PPP2R3B: variants seen among roughly 807,000 people sequenced by gnomAD.
PPP2R3B encodes serine/threonine-protein phosphatase 2A regulatory subunit B'' subunit beta.
PPP2R3B carries 68 observed loss-of-function variants against 72.9 expected under a neutral mutation model. The ratio of observed to expected loss-of-function variants is 0.93; its 90% confidence interval spans 0.77 to 1.14. PPP2R3B has a LOEUF of 1.14. Among genes scored for constraint, PPP2R3B ranks in the 50% most tolerant of loss-of-function variants. The pLI, the probability that PPP2R3B is intolerant of heterozygous loss-of-function variation, is 0.00. For missense variants in PPP2R3B, 1,018 were observed against 842.0 expected (o/e 1.21, Z -2.59); for synonymous variants, 466 against 375.8 (o/e 1.24, Z -2.78).
At position 366,904 on chromosome X, in the gene PPP2R3B, T is replaced by C. The variant is rs1468347314; in HGVS notation, c.325-5314A>G. On this transcript the variant is annotated intron_variant, in intron 1 of 12. Transcript: ENST00000390665. ...TTAACCAGGTGTGGTGGCGCATGCC[T>C]GTAATCCCAGCTACTTGAGAGGCTG... Among the ~76,000 whole-genome samples the C allele has an allele frequency of 2.0e-5, 3 of 151,086 alleles. No homozygotes were observed. In the East Asian group the frequency reaches 5.8e-4, roughly 29 times the overall value.
At chrX:365,446 G>A (rs2071688218) in intron 1 of PPP2R3B, among the ~76,000 whole-genome samples, 1 of 34,710 alleles carries the variant, frequency 2.9e-5, no homozygotes, top group Non-Finnish European at 4.6e-5. Context: ...GAGAGGCTGA[G>A]GCAGGAGAAT....
intron 1 of PPP2R3B, among the ~76,000 whole-genome samples, chrX:370,385 C>A (rs1438439551): frequency 6.6e-6 from 1 of 152,176 alleles, no homozygotes; most frequent in Non-Finnish European, 1.5e-5. Context: ...ACACCTGCAG[C>A]CCAGGCACTG....
chrX:353,374 C>CA (rs928612832), intron 2 of PPP2R3B, among the ~76,000 whole-genome samples: 41 of 137,484 alleles, frequency 3.0e-4, no homozygotes, highest in Non-Finnish European at 4.7e-4. Flanking sequence ...ACTCTGTCTC[C>CA]AAAAAAAAAA....
chrX:385,519 T>C (rs2072227879), intron 1 of PPP2R3B, among the ~76,000 whole-genome samples: 1 of 151,932 alleles, frequency 6.6e-6, no homozygotes, highest in African/African-American at 2.4e-5. Context: ...TGGCGTTTCT[T>C]CTAAGAAATA....
chrX:338,254 G>A (rs1795101131), intron 12 of PPP2R3B: 1 of 456,102 alleles, frequency 2.2e-6, no homozygotes. Context: ...CACGGGCCCT[G>A]CAGCCTGCCC....
At chrX:345,089 G>C in intron 7 of PPP2R3B, 2 of 455,252 alleles carry the variant, frequency 4.4e-6, no homozygotes, top group Admixed American at 2.5e-5. Flanking sequence ...GTATATGAAC[G>C]ACCGCTAAGC....
intron 1 of PPP2R3B, among the ~76,000 whole-genome samples, chrX:372,084 C>T (rs1213988031): frequency 5.9e-5 from 9 of 152,166 alleles, no homozygotes; most frequent in African/African-American, 1.2e-4. Context: ...CAGCCACGTG[C>T]GAGCTAATCA....
At chrX:368,511 T>C (rs1178542287) in intron 1 of PPP2R3B, among the ~76,000 whole-genome samples, 35 of 76,392 alleles carry the variant, frequency 4.6e-4, no homozygotes, top group South Asian at 1.1e-3. Context: ...ACCACCCACC[T>C]TGGGCACCGA....
intron 1 of PPP2R3B, among the ~76,000 whole-genome samples, chrX:374,223 G>GT (rs1289750671): frequency 2.0e-5 from 3 of 152,106 alleles, no homozygotes; most frequent in Non-Finnish European, 2.9e-5. Flanking sequence ...GAGAAGTGAG[G>GT]TCCCCCCCCT....
intron 1 of PPP2R3B, among the ~76,000 whole-genome samples, chrX:379,198 CGTGTGTATGCACCT>C (rs2072067413): frequency 7.5e-6 from 1 of 133,128 alleles, no homozygotes; most frequent in South Asian, 2.5e-4. Flanking sequence ...TGTGTGTATG[CGTGTGTATGCACCT>C]GTGTATGCAC....
At chrX:380,544 G>A (rs1337827932) in intron 1 of PPP2R3B, among the ~76,000 whole-genome samples, 2 of 152,150 alleles carry the variant, frequency 1.3e-5, no homozygotes, top group African/African-American at 4.8e-5. Flanking sequence ...CCAGCACTCT[G>A]GGAGGCTGGG....
chrX:376,288 C>G (rs183907748), intron 1 of PPP2R3B, among the ~76,000 whole-genome samples: 1 of 92,944 alleles, frequency 1.1e-5, no homozygotes, highest in South Asian at 3.7e-4. Context: ...CTGGAGCCCT[C>G]GAACCACCTC....
intron 1 of PPP2R3B, among the ~76,000 whole-genome samples, chrX:363,782 G>C (rs1358187854): frequency 5.3e-5 from 8 of 151,692 alleles, no homozygotes; most frequent in Non-Finnish European, 1.0e-4. Context: ...TGGAGCCTGC[G>C]GCTCTTCCTC....
chrX:361,491 C>T lies in PPP2R3B; in HGVS notation c.424G>A (p.Asp142Asn), dbSNP rs779467539. 4 of 1,614,006 alleles carry T rather than the reference C, an allele frequency of 2.5e-6. No individual in the cohort carries two copies. The South Asian group carries it at 4.4e-5, about 18-fold the overall frequency. ...RGRPQDSVNV[D>N]AVISKIESTF... ...CTCTCGATCTTGCTGATGACGGCAT[C>T]CACGTTGACGGAGTCCTGCGGGCGT... Residue 142 changes from aspartate (D) to asparagine (N), a missense_variant, in exon 2 of 13, where the codon GAT becomes AAT. Coordinates refer to ENST00000390665, the MANE Select transcript of PPP2R3B (RefSeq NM_013239.5).
rs189689529 is a variant in PPP2R3B at position 374,926 on chromosome X, G to A, written c.324+11442C>T. 7.1e-3 allele frequency among the ~76,000 whole-genome samples: 1,075 copies of A among 152,174 alleles called. 7 individuals are homozygous for A. Among genetic ancestry groups the A allele is most frequent in the Non-Finnish European group, 9.1e-3 (616 of 67,982 alleles). On this transcript the variant is annotated intron_variant, in intron 1 of 12. Coordinates refer to ENST00000390665, the MANE Select transcript of PPP2R3B (RefSeq NM_013239.5). ...GACGCACCCAACCCCCGCAAGCCCC[G>A]ATCTGTTTCCTGTCTCCATCGTTTT...
intron 1 of PPP2R3B, among the ~76,000 whole-genome samples, chrX:368,753 G>A (rs2071787447): frequency 8.9e-6 from 1 of 112,654 alleles, no homozygotes; most frequent in Non-Finnish European, 1.9e-5. Context: ...ACGGGGGGAA[G>A]GCCGGGACCA....
chrX:364,351 C>G (rs1344784376), intron 1 of PPP2R3B, among the ~76,000 whole-genome samples: 3 of 151,812 alleles, frequency 2.0e-5, no homozygotes, highest in Non-Finnish European at 4.4e-5. Context: ...GTTTGCAAAC[C>G]AAACTCACGG....
chrX:384,276 C>A (rs1260347031), intron 1 of PPP2R3B, among the ~76,000 whole-genome samples: 13 of 148,620 alleles, frequency 8.7e-5, no homozygotes, highest in African/African-American at 2.8e-4. Context: ...CTCTCTCTCT[C>A]TCTCTCTATA....
At chrX:346,066 A>AG (rs2071201033) in intron 6 of PPP2R3B, 108 bp downstream of exon 6, 56 of 452,088 alleles carry the variant, frequency 1.2e-4, no homozygotes, top group Non-Finnish European at 1.7e-4. Flanking sequence ...TGGGGGTGGG[A>AG]GAGGGGGTGG....
Sources: gnomAD v4.1 joint callset for allele counts (sites outside exome capture counted in the v4.1 genomes callset) on GRCh38, gnomAD v4.1.1 for gene constraint, MANE v1.5 for transcripts, NCBI Gene and HGNC (gene_info 2026-07-23, HGNC 2026-07-21) for gene names.